The following PRIM1 variants were observed in gnomAD, a reference collection of about 807,000 sequenced individuals.
PRIM1 encodes the protein DNA primase subunit 1.
Under a neutral mutation model 60.2 loss-of-function variants are expected in PRIM1, and 38 were observed. That is an observed-to-expected ratio of 0.63 (90% confidence interval 0.49 to 0.83). The LOEUF is 0.83. Ranked by LOEUF, PRIM1 falls within the 40% of genes least tolerant of loss-of-function variation. The pLI, the probability that PRIM1 is intolerant of heterozygous loss-of-function variation, is 0.00. For missense variants in PRIM1, 388 were observed against 506.2 expected (o/e 0.77, Z 2.24); for synonymous variants, 158 against 160.2 (o/e 0.99, Z 0.10).
intron 10 of PRIM1, among the ~76,000 whole-genome samples, chr12:56,738,803 C>T (rs1309057416): frequency 1.3e-5 from 2 of 152,120 alleles, no homozygotes; most frequent in Non-Finnish European, 2.9e-5. Flanking sequence ...ACGCGCTTTG[C>T]CCTCCCAAAG....
intron 6 of PRIM1, 169 bp downstream of exon 6, chr12:56,743,896 T>C: frequency 2.0e-6 from 1 of 503,206 alleles, no homozygotes; most frequent in East Asian, 3.1e-5. Context: ...TGAGAACATC[T>C]GTAAAGCACC....
intron 2 of PRIM1, among the ~76,000 whole-genome samples, chr12:56,748,781 C>T (rs1266645059): frequency 6.6e-6 from 1 of 151,908 alleles, no homozygotes; most frequent in African/African-American, 2.4e-5. Flanking sequence ...CATGGCAAAA[C>T]CCCGTCTCTA....
chr12:56,735,304 T>C (rs758322452), intron 11 of PRIM1, among the ~76,000 whole-genome samples: 5 of 151,890 alleles, frequency 3.3e-5, no homozygotes, highest in Non-Finnish European at 5.9e-5. Flanking sequence ...TTCACCATGC[T>C]GTCCAAGATG....
At chr12:56,744,624 G>C (rs777795440) in intron 5 of PRIM1, among the ~76,000 whole-genome samples, 21 of 152,104 alleles carry the variant, frequency 1.4e-4, no homozygotes, top group Non-Finnish European at 2.8e-4. Context: ...ACAGTATTGA[G>C]TACAGTAACA....
chr12:56,741,633 T>C, intron 8 of PRIM1, 57 bp from the exon 9 acceptor site: 1 of 1,579,872 alleles, frequency 6.3e-7, no homozygotes, highest in Admixed American at 1.9e-5. Flanking sequence ...AAGATTTCTT[T>C]AAAGAAAGTT....
Position 56,751,111 on chromosome 12 carries a change from T to C in PRIM1, c.188A>G (p.Gln63Arg). The change falls in exon 2 of 13, where the codon CAG becomes CGG. Residue 63 changes from glutamine (Q) to arginine (R), a missense_variant. Coordinates refer to ENST00000338193, the MANE Select transcript of PRIM1 (RefSeq NM_000946.3). ...IYIRYQSFNNQSDLEKEMQKM... is the reference protein window; with the variant it reads ...IYIRYQSFNNRSDLEKEMQKM... ...CTGCATCTCCTTTTCCAGATCACTCTGGTTGTTGAAGGATTGGTAGCGAAT... is the reference window on the plus strand; with the variant it reads ...CTGCATCTCCTTTTCCAGATCACTCCGGTTGTTGAAGGATTGGTAGCGAAT... 1 of 1,595,450 alleles carries C rather than the reference T, an allele frequency of 6.3e-7. No individual in the cohort carries two copies. The highest frequency in any genetic ancestry group is 8.6e-7 in the Non-Finnish European group (1 of 1,169,374).
At chr12:56,732,501 C>A (rs567118938) in intron 12 of PRIM1, among the ~76,000 whole-genome samples, 13 of 152,280 alleles carry the variant, frequency 8.5e-5, no homozygotes, top group African/African-American at 2.6e-4. Flanking sequence ...CCAGATTTAT[C>A]TTTCTAGATA....
intron 11 of PRIM1, among the ~76,000 whole-genome samples, chr12:56,737,295 C>G (rs951309634): frequency 6.6e-6 from 1 of 151,948 alleles, no homozygotes; most frequent in African/African-American, 2.4e-5. Flanking sequence ...TTGTCTTCCA[C>G]AAAACTGGTA....
chr12:56,741,439 T>C lies in PRIM1; in HGVS notation c.978A>G (p.Lys326=), dbSNP rs758805858. Residue 326 remains lysine, a synonymous_variant, in exon 9 of 13, where the codon AAA becomes AAG. Transcript: ENST00000338193. ...LLKSPFSVHP[K]TGRISVPIDL... is the part of the protein sequence containing the mutation. ...CTTAGTTTCCTTGTGTAGTACCTGT[T>C]TTAGGATGAACACTAAAAGGGCTCT... The C allele has an allele frequency of 6.2e-7, 1 of 1,609,110 alleles. No individual in the cohort carries two copies. The highest frequency in any genetic ancestry group is 8.5e-7 in the Non-Finnish European group (1 of 1,178,770).
chr12:56,734,114 A>G (rs1329684425), intron 12 of PRIM1, 33 bp downstream of exon 12: 1 of 1,442,790 alleles, frequency 6.9e-7, no homozygotes, highest in East Asian at 2.3e-5. Context: ...AATAAGATCT[A>G]ACTAGATAGA....
At chr12:56,743,617 A>G (rs1019057466) in intron 6 of PRIM1, 2 of 157,488 alleles carry the variant, frequency 1.3e-5, no homozygotes, top group African/African-American at 4.8e-5. Flanking sequence ...TATTTTGTCA[A>G]TATTTTATCA....
Position 56,738,756 on chromosome 12 carries a change from TG to T in PRIM1, c.1053-232del, listed in dbSNP as rs1433860103. Among the ~76,000 whole-genome samples the T allele has an allele frequency of 2.0e-5, 3 of 152,192 alleles. No individual in the cohort carries two copies. In the East Asian group the frequency reaches 5.8e-4, roughly 29 times the overall value. Reference sequence around the variant, plus strand: ...TAGTAGAGACAGGGTTTCACCATGTTGGCCAGGATGGTCTCGATCTCTTGAC... The same window carrying T: ...TAGTAGAGACAGGGTTTCACCATGTTGCCAGGATGGTCTCGATCTCTTGAC... On this transcript the variant is annotated intron_variant, in intron 10 of 12. Transcript: ENST00000338193.
intron 11 of PRIM1, among the ~76,000 whole-genome samples, chr12:56,736,306 A>C (rs1953829839): frequency 1.4e-5 from 2 of 147,454 alleles, no homozygotes; most frequent in South Asian, 4.3e-4. Flanking sequence ...TCTAAAAAAA[A>C]AAAAAAAAAA....
chr12:56,752,059 G>A (rs1953972538), intron 1 of PRIM1, 137 bp downstream of exon 1: 1 of 522,498 alleles, frequency 1.9e-6, no homozygotes. Flanking sequence ...AAGTGGTGGG[G>A]CGGGCTCGAG....
At chr12:56,747,391 A>C (rs1282719872) in intron 2 of PRIM1, among the ~76,000 whole-genome samples, 2 of 152,330 alleles carry the variant, frequency 1.3e-5, no homozygotes, top group African/African-American at 2.4e-5. Context: ...AAGTATTTAA[A>C]AATTTTTCAA....
intron 9 of PRIM1, among the ~76,000 whole-genome samples, chr12:56,739,998 G>C (rs2137861614): frequency 1.3e-5 from 2 of 152,170 alleles, no homozygotes; most frequent in South Asian, 4.1e-4. Context: ...TTAGCTGGGT[G>C]TGGTGGCGGG....
rs1330166815 is a variant in PRIM1 at position 56,734,209 on chromosome 12, A to G, written c.1181T>C (p.Val394Ala). 1 of 1,607,342 alleles carries G rather than the reference A, an allele frequency of 6.2e-7. No homozygotes were observed. The highest frequency in any genetic ancestry group is 1.1e-5 in the South Asian group (1 of 90,756). Residue 394 changes from valine to alanine, a missense_variant, in exon 12 of 13, where the codon GTT (valine) becomes GCT (alanine). Physicochemically the swap from Val to Ala is moderately conservative, Grantham distance 64 (BLOSUM62 0). Around this residue, in one of 3 missense-constraint regions of PRIM1, gnomAD observed 211 missense variants for 277.9 expected, o/e 0.76. Transcript: ENST00000338193. ...KKTSLAPYVK[V>A]FEHFLENLDK... ...CAGATTTTCAAGAAAATGTTCAAAA[A>G]CTTTCACATAAGGTGCTAGACTGGT...
intron 5 of PRIM1, among the ~76,000 whole-genome samples, chr12:56,744,828 A>G (rs922139108): frequency 2.0e-5 from 3 of 152,132 alleles, no homozygotes; most frequent in African/African-American, 7.2e-5. Context: ...GCAGTGGCTC[A>G]CACTTGTAAT....
intron 1 of PRIM1, chr12:56,751,964 CTGTTTTT>C: frequency 4.8e-6 from 1 of 210,268 alleles, no homozygotes; most frequent in South Asian, 8.7e-5. Context: ...AGCGGCGGCT[CTGTTTTT>C]TTTTTTTTTT....
Sources: allele counts gnomAD v4.1 joint callset (sites outside exome capture counted in the v4.1 genomes callset), GRCh38; gene constraint gnomAD v4.1.1; regional missense constraint gnomAD v4.1.1; transcripts MANE v1.5; gene names NCBI Gene and HGNC (gene_info 2026-07-23, HGNC 2026-07-21).